TBC1D8: variants seen among roughly 807,000 people sequenced by gnomAD.
TBC1D8 encodes TBC1 domain family member 8.
A neutral mutation model predicts 118.8 loss-of-function variants in TBC1D8; 65 were observed. The ratio of observed to expected loss-of-function variants is 0.55; its 90% confidence interval spans 0.45 to 0.67. The LOEUF (loss-of-function observed/expected upper bound fraction) is 0.67, where lower values mean the gene tolerates loss of function less well. Among genes scored for constraint, TBC1D8 ranks in the 30% least tolerant of loss-of-function variants. The probability of loss-of-function intolerance (pLI) is 0.00; values close to 1 mark genes in which losing one functional copy is unlikely to be tolerated. For synonymous variants in TBC1D8, 566 were observed against 595.8 expected, an observed-to-expected ratio of 0.95 and a Z score of 0.73; for missense variants, 1,376 against 1,471.2, an observed-to-expected ratio of 0.94 and a Z score of 1.06.
At chr2:101,025,258 C>T (rs369186698) in intron 15 of TBC1D8, among the ~76,000 whole-genome samples, 1 of 151,594 alleles carries the variant, frequency 6.6e-6, no homozygotes, top group African/African-American at 2.4e-5. Flanking sequence ...CGGAGTTTCA[C>T]TGTGTTGCCA....
chr2:101,096,417 G>C (rs368483830), intron 1 of TBC1D8, among the ~76,000 whole-genome samples: 2 of 4,824 alleles, frequency 4.1e-4, no homozygotes, highest in East Asian at 8.5e-3. Context: ...TCTGGCTTTT[G>C]ACAAAAAAAA....
In TBC1D8 at chr2:101,056,746, C is replaced by A. The variant is rs1419703698; in HGVS notation, c.403-2410G>T. 3.3e-5 allele frequency among the ~76,000 whole-genome samples: 5 copies of A among 152,278 alleles called. No homozygotes were observed. The South Asian group carries it at 8.3e-4, about 25-fold the overall frequency. On this transcript the variant is annotated intron_variant, in intron 3 of 19. Coordinates refer to ENST00000409318, the MANE Select transcript of TBC1D8 (RefSeq NM_001330348.2). Reference sequence around the variant, plus strand: ...GGCTCCGGAGCAGACAGGCAGCAGGCACGGCTGCAGGGTGGTACCCAGTGG... The same window carrying A: ...GGCTCCGGAGCAGACAGGCAGCAGGAACGGCTGCAGGGTGGTACCCAGTGG...
At chr2:101,143,170 C>A (rs1316497501) in intron 1 of TBC1D8, among the ~76,000 whole-genome samples, 2 of 151,012 alleles carry the variant, frequency 1.3e-5, no homozygotes. Flanking sequence ...TCAAACGGTT[C>A]CCCTGCCTCA....
chr2:101,039,471 A>G (rs1441964037), intron 6 of TBC1D8, among the ~76,000 whole-genome samples: 1 of 152,158 alleles, frequency 6.6e-6, no homozygotes, highest in Non-Finnish European at 1.5e-5. Flanking sequence ...AGAAAAAAAT[A>G]AGAGTTTTGA....
chr2:101,117,310 C>T (rs949906274), intron 1 of TBC1D8, among the ~76,000 whole-genome samples: 1 of 152,146 alleles, frequency 6.6e-6, no homozygotes, highest in Non-Finnish European at 1.5e-5. Context: ...CTCTTTTCCA[C>T]GCACAGAGTG....
At chr2:101,107,006 C>T (rs188576908) in intron 1 of TBC1D8, among the ~76,000 whole-genome samples, 3 of 152,136 alleles carry the variant, frequency 2.0e-5, no homozygotes, top group East Asian at 1.9e-4. Flanking sequence ...GCATTTTTGA[C>T]GATGATATTT....
intron 1 of TBC1D8, among the ~76,000 whole-genome samples, chr2:101,093,500 T>C (rs1676185780): frequency 6.6e-6 from 1 of 152,052 alleles, no homozygotes; most frequent in Admixed American, 6.6e-5. Context: ...CTCATTTCTT[T>C]CCATATTTGT....
rs1041918008 is a variant in TBC1D8, at chr2:101,036,081, G to A, written c.1540C>T (p.Arg514Trp). 1.2e-6 allele frequency: 2 copies of A among 1,613,978 alleles called. No homozygotes were observed. Among genetic ancestry groups the A allele is most frequent in the East Asian group, 2.2e-5 (1 of 44,888 alleles). Residue 514 changes from arginine to tryptophan, a missense_variant, in exon 9 of 20, where the codon CGG (arginine) becomes TGG (tryptophan). Arg to Trp is a moderately radical substitution (Grantham distance 101). Coordinates refer to ENST00000409318, the MANE Select transcript of TBC1D8 (RefSeq NM_001330348.2). ...TVCMFRTEKI[R>W]KLVAMGIPES... Reference sequence around the variant, plus strand: ...GGGATGCCCATGGCTACGAGCTTCCGAATCTTCTCTGTGCGAAACATACAC... The same window carrying A: ...GGGATGCCCATGGCTACGAGCTTCCAAATCTTCTCTGTGCGAAACATACAC...
In TBC1D8 at chr2:101,097,549, C is replaced by T. The variant is rs537761122; in HGVS notation, c.128-7185G>A. Among the ~76,000 whole-genome samples the T allele has an allele frequency of 4.6e-5, 6 of 129,232 alleles. No homozygotes were observed. The South Asian group carries it at 1.5e-3, about 32-fold the overall frequency. 84.8% of individuals were successfully genotyped at this position (129,232 alleles called of 152,430 possible). On this transcript the variant is annotated intron_variant, in intron 1 of 19. Coordinates refer to ENST00000409318, the MANE Select transcript of TBC1D8 (RefSeq NM_001330348.2). ...ATGGCAGAGAAGACTTGGAAATACT[C>T]TGTTATTTAAAAAAAAAAAATGCAC...
At chr2:101,011,182 TG>T in intron 18 of TBC1D8, 156 bp from the exon 19 acceptor site, 1 of 758,418 alleles carries the variant, frequency 1.3e-6, no homozygotes, top group South Asian at 1.8e-5. Flanking sequence ...GGAGAGCCAG[TG>T]GGTGGTAACT....
At chr2:101,023,145 G>A (rs1335952344) in intron 15 of TBC1D8, among the ~76,000 whole-genome samples, 2 of 142,610 alleles carry the variant, frequency 1.4e-5, no homozygotes, top group African/African-American at 5.1e-5. Flanking sequence ...TTTTTTGTTT[G>A]TTTGTTTTCC....
At chr2:101,033,048 G>T (rs938163564) in intron 10 of TBC1D8, 1 of 240,250 alleles carries the variant, frequency 4.2e-6, no homozygotes, top group Admixed American at 5.0e-5. Context: ...CTCAAGAGGG[G>T]TGTTGAAGAC....
intron 6 of TBC1D8, among the ~76,000 whole-genome samples, chr2:101,039,607 C>G (rs1681253390): frequency 6.6e-6 from 1 of 152,190 alleles, no homozygotes; most frequent in African/African-American, 2.4e-5. Flanking sequence ...AAGGACTGAG[C>G]TGCTCAGATC....
chr2:101,095,370 T>C (rs1676336592), intron 1 of TBC1D8, among the ~76,000 whole-genome samples: 1 of 150,598 alleles, frequency 6.6e-6, no homozygotes, highest in African/African-American at 2.4e-5. Context: ...CATTTAGCAT[T>C]AGGTATATCT....
At chr2:101,020,844 G>A (rs1679987061) in intron 17 of TBC1D8, among the ~76,000 whole-genome samples, 1 of 152,118 alleles carries the variant, frequency 6.6e-6, no homozygotes, top group Non-Finnish European at 1.5e-5. Context: ...ATCTGCACAA[G>A]GTCTACACTA....
chr2:101,057,888 C>T (rs999834966), intron 3 of TBC1D8, among the ~76,000 whole-genome samples: 5 of 152,148 alleles, frequency 3.3e-5, no homozygotes, highest in Middle Eastern at 3.2e-3. Flanking sequence ...GTGTAATTTC[C>T]AGGGCCCCAG....
chr2:101,027,266 C>G (rs577618325), intron 15 of TBC1D8, 117 bp downstream of exon 15: 1 of 900,992 alleles, frequency 1.1e-6, no homozygotes, highest in African/African-American at 1.7e-5. Flanking sequence ...GGGGCAGCTC[C>G]GGCCTCTGCT....
chr2:101,027,359 C>G (rs1181378270), intron 15 of TBC1D8, 24 bp downstream of exon 15: 1 of 1,610,278 alleles, frequency 6.2e-7, no homozygotes, highest in Non-Finnish European at 8.5e-7. Context: ...GCCTGGAACC[C>G]CTCATCTTCC....
In TBC1D8 at chr2:101,050,543, G is replaced by A. The variant is rs780603523; in HGVS notation, c.730C>T (p.Arg244Cys). The A allele has an allele frequency of 4.0e-5, 65 of 1,613,854 alleles. No homozygotes were observed. The highest frequency in any genetic ancestry group is 5.3e-5 in the Non-Finnish European group (62 of 1,179,886). ...AGGTTCAGGAACATGGAGAAGTCAC[G>A]CTCCTTATTCTGCGTGGTGATTCGG... ...TIRITTQNKE[R>C]DFSMFLNLDE... is the part of the protein sequence containing the mutation. The change falls in exon 5 of 20, where the codon CGT (arginine) becomes TGT (cysteine). Residue 244 changes from arginine (R) to cysteine (C), a missense_variant. Coordinates refer to ENST00000409318, the MANE Select transcript of TBC1D8 (RefSeq NM_001330348.2).
Sources: allele counts gnomAD v4.1 joint callset (sites outside exome capture counted in the v4.1 genomes callset), GRCh38; gene constraint gnomAD v4.1.1; transcripts MANE v1.5; gene names NCBI Gene and HGNC (gene_info 2026-07-23, HGNC 2026-07-21).